The following MEOX2 variants were observed in gnomAD, a reference collection of about 807,000 sequenced individuals.
MEOX2 encodes homeobox protein MOX-2.
A neutral mutation model predicts 27.0 loss-of-function variants in MEOX2; 11 were observed. The ratio of observed to expected loss-of-function variants is 0.41; its 90% confidence interval spans 0.26 to 0.68. The LOEUF (loss-of-function observed/expected upper bound fraction) is 0.68, where lower values mean the gene tolerates loss of function less well. Ranked by LOEUF, MEOX2 falls within the 30% of genes least tolerant of loss-of-function variation. MEOX2 has a pLI of 0.33. For missense variants in MEOX2, 436 were observed against 385.4 expected, an observed-to-expected ratio of 1.13 and a Z score of -1.10; for synonymous variants, 189 against 155.4, an observed-to-expected ratio of 1.22 and a Z score of -1.61.
At chr7:15,631,128 C>G (rs1781394774) in intron 1 of MEOX2, among the ~76,000 whole-genome samples, 1 of 151,680 alleles carries the variant, frequency 6.6e-6, no homozygotes, top group South Asian at 2.1e-4. Flanking sequence ...TCTTTGATAG[C>G]TATAATAATA....
chr7:15,625,107 A>T (rs1781280129), intron 2 of MEOX2, among the ~76,000 whole-genome samples: 1 of 152,198 alleles, frequency 6.6e-6, no homozygotes, highest in African/African-American at 2.4e-5. Flanking sequence ...ATTTCTACAG[A>T]TTGGAAGCAA....
At chr7:15,627,522 G>C (rs17168922) in intron 1 of MEOX2, among the ~76,000 whole-genome samples, 6,385 of 152,006 alleles carry the variant, frequency 0.042, 174 homozygotes, top group Admixed American at 0.065. Flanking sequence ...AAATGAAATT[G>C]TGTTCATATG....
chr7:15,669,744 C>T (rs1782066852), intron 1 of MEOX2, among the ~76,000 whole-genome samples: 1 of 152,146 alleles, frequency 6.6e-6, no homozygotes, highest in African/African-American at 2.4e-5. Context: ...ACTTTATTCT[C>T]CTTCTAAAAA....
intron 1 of MEOX2, among the ~76,000 whole-genome samples, chr7:15,627,808 A>AACACAC (rs71549949): frequency 2.0e-5 from 3 of 147,294 alleles, no homozygotes; most frequent in East Asian, 2.0e-4. Flanking sequence ...ATCAATAGTA[A>AACACAC]ACACACACAC....
At chr7:15,658,790 A>G (rs1167628073) in intron 1 of MEOX2, among the ~76,000 whole-genome samples, 3 of 152,170 alleles carry the variant, frequency 2.0e-5, no homozygotes, top group Non-Finnish European at 4.4e-5. Context: ...AAATCAGGAA[A>G]AGGATCATCA....
intron 1 of MEOX2, among the ~76,000 whole-genome samples, chr7:15,635,679 T>A (rs1165499067): frequency 1.3e-5 from 2 of 151,884 alleles, no homozygotes; most frequent in Non-Finnish European, 2.9e-5. Context: ...TTTTAAAATG[T>A]AGGAAAATTT....
At chr7:15,627,268 C>T (rs974463325) in intron 1 of MEOX2, among the ~76,000 whole-genome samples, 3 of 151,988 alleles carry the variant, frequency 2.0e-5, no homozygotes, top group African/African-American at 4.8e-5. Context: ...GTTGAACATA[C>T]GTACTTGAGG....
At chr7:15,618,557 A>G (rs1781161829) in intron 2 of MEOX2, among the ~76,000 whole-genome samples, 1 of 152,004 alleles carries the variant, frequency 6.6e-6, no homozygotes, top group Non-Finnish European at 1.5e-5. Flanking sequence ...ATTTTGGCTA[A>G]CAGCTTCTAA....
At chr7:15,617,183 TAA>T (rs1419399260) in intron 2 of MEOX2, among the ~76,000 whole-genome samples, 1 of 152,064 alleles carries the variant, frequency 6.6e-6, no homozygotes, top group African/African-American at 2.4e-5. Flanking sequence ...GGATGAAAAC[TAA>T]AAATTTCAGT....
At chr7:15,643,145 C>T (rs1187854104) in intron 1 of MEOX2, among the ~76,000 whole-genome samples, 1 of 152,166 alleles carries the variant, frequency 6.6e-6, no homozygotes, top group Non-Finnish European at 1.5e-5. Context: ...TGTGATGGGA[C>T]ATGCAGTTTG....
intron 1 of MEOX2, among the ~76,000 whole-genome samples, chr7:15,641,902 T>G (rs1191386761): frequency 6.6e-6 from 1 of 152,170 alleles, no homozygotes; most frequent in Non-Finnish European, 1.5e-5. Context: ...ACAAAATTTT[T>G]TGTTGCCATT....
At chr7:15,684,029 TTAAAA>T (rs1782337197) in intron 1 of MEOX2, among the ~76,000 whole-genome samples, 1 of 152,170 alleles carries the variant, frequency 6.6e-6, no homozygotes, top group African/African-American at 2.4e-5. Flanking sequence ...AAAAAAATTA[TTAAAA>T]TAAATTAAGG....
chr7:15,644,438 A>G (rs942615383), intron 1 of MEOX2, among the ~76,000 whole-genome samples: 4 of 152,190 alleles, frequency 2.6e-5, no homozygotes, highest in African/African-American at 9.7e-5. Context: ...GTGTTTCACA[A>G]GGAATCTAAA....
In MEOX2 at chr7:15,638,373, C is replaced by T. The variant is rs28560110; in HGVS notation, c.518-11455G>A. Among the ~76,000 whole-genome samples the T allele has an allele frequency of 2.6e-3, 394 of 152,186 alleles. 3 individuals are homozygous for T. The highest frequency in any genetic ancestry group is 8.9e-3 in the African/African-American group (371 of 41,536). On this transcript the variant is annotated intron_variant, in intron 1 of 2. Coordinates refer to ENST00000262041, the MANE Select transcript of MEOX2 (RefSeq NM_005924.5). ...TTTTATTTATGTACGTTTGTATGTG[C>T]ATGGGCATATATATTTACAGTTAAC...
chr7:15,666,332 A>G (rs1782003496), intron 1 of MEOX2, among the ~76,000 whole-genome samples: 1 of 152,234 alleles, frequency 6.6e-6, no homozygotes, highest in African/African-American at 2.4e-5. Flanking sequence ...TTAACCAGCT[A>G]TGAAAATCTC....
chr7:15,631,264 T>TGATTATCAATTG (rs1781397770), intron 1 of MEOX2, among the ~76,000 whole-genome samples: 1 of 151,848 alleles, frequency 6.6e-6, no homozygotes, highest in Admixed American at 6.6e-5. Context: ...TGCTGAGCAG[T>TGATTATCAATTG]GATTATCAAT....
intron 2 of MEOX2, among the ~76,000 whole-genome samples, chr7:15,616,622 A>G (rs111706595): frequency 3.3e-5 from 5 of 151,932 alleles, no homozygotes; most frequent in African/African-American, 1.2e-4. Context: ...AGACAGCTAA[A>G]TTATCATCAT....
chr7:15,659,059 G>T (rs1362958152), intron 1 of MEOX2, among the ~76,000 whole-genome samples: 1 of 152,098 alleles, frequency 6.6e-6, no homozygotes, highest in African/African-American at 2.4e-5. Flanking sequence ...GAGTGCAGTG[G>T]CATGATTATG....
chr7:15,659,924 C>T (rs1174625033), intron 1 of MEOX2, among the ~76,000 whole-genome samples: 1 of 152,076 alleles, frequency 6.6e-6, no homozygotes, highest in African/African-American at 2.4e-5. Context: ...GTCTTAAGCA[C>T]ACAGAACTAC....
Sources: allele counts gnomAD v4.1 joint callset (sites outside exome capture counted in the v4.1 genomes callset), GRCh38; gene constraint gnomAD v4.1.1; transcripts MANE v1.5; gene names NCBI Gene and HGNC (gene_info 2026-07-23, HGNC 2026-07-21).